The following VOPP1 variants were observed in gnomAD, a reference collection of about 807,000 sequenced individuals.
VOPP1 encodes WW domain binding protein VOPP1.
VOPP1 carries 8 observed loss-of-function variants against 23.5 expected under a neutral mutation model. The ratio of observed to expected loss-of-function variants is 0.34; its 90% confidence interval spans 0.20 to 0.61. VOPP1 has a LOEUF of 0.61. Ranked by LOEUF, VOPP1 falls within the 20% of genes least tolerant of loss-of-function variation. The probability of loss-of-function intolerance (pLI) is 0.78; values close to 1 mark genes in which losing one functional copy is unlikely to be tolerated. For synonymous variants in VOPP1, 83 were observed against 97.3 expected, an observed-to-expected ratio of 0.85 and a Z score of 0.86; for missense variants, 174 against 238.1, an observed-to-expected ratio of 0.73 and a Z score of 1.77.
At chr7:55,443,318 G>T (rs992369964) in intron 4 of VOPP1, among the ~76,000 whole-genome samples, 1 of 152,094 alleles carries the variant, frequency 6.6e-6, no homozygotes, top group Admixed American at 6.5e-5. Context: ...ACTTTGGGAG[G>T]CTGATGCGGG....
chr7:55,501,643 C>T (rs1021025901), intron 2 of VOPP1, among the ~76,000 whole-genome samples: 5 of 152,338 alleles, frequency 3.3e-5, no homozygotes, highest in East Asian at 1.9e-4. Context: ...CTCAAGTGAT[C>T]AAATTCTAGA....
At chr7:55,453,841 C>T (rs1483178825) in intron 4 of VOPP1, among the ~76,000 whole-genome samples, 1 of 152,142 alleles carries the variant, frequency 6.6e-6, no homozygotes, top group East Asian at 1.9e-4. Context: ...TCAATACCTA[C>T]AAAGAGCAAT....
At chr7:55,481,728 G>A (rs1792726838) in intron 4 of VOPP1, among the ~76,000 whole-genome samples, 1 of 152,198 alleles carries the variant, frequency 6.6e-6, no homozygotes, top group Admixed American at 6.5e-5. Context: ...GCCCCTCAGT[G>A]AGTGCTGACT....
chr7:55,553,756 T>TACACACACACACAC (rs59300549), intron 1 of VOPP1: 1 of 138,508 alleles, frequency 7.2e-6, no homozygotes, highest in African/African-American at 2.8e-5. Flanking sequence ...CCCTGCACTC[T>TACACACACACACAC]ACACACACAC....
In VOPP1 at chr7:55,566,201, C is replaced by T. The variant is rs139085486; in HGVS notation, c.54+6070G>A. ...GGTGGGGGTGGTGGGAGTTTCCAGA[C>T]CAGCGCAACTAATTCTGGGGAAAAA... On this transcript the variant is annotated intron_variant, in intron 1 of 4. Transcript: ENST00000285279. Among the ~76,000 whole-genome samples, 476 of 152,236 alleles carry T rather than the reference C, an allele frequency of 3.1e-3. 2 individuals carry two copies. The highest frequency in any genetic ancestry group is 0.02 in the Middle Eastern group (6 of 294).
intron 4 of VOPP1, among the ~76,000 whole-genome samples, chr7:55,479,162 T>A (rs1057027720): frequency 6.6e-4 from 101 of 152,218 alleles, no homozygotes; most frequent in South Asian, 1.2e-3. Context: ...TTTTTTTTTT[T>A]TTATTATTAT....
chr7:55,551,601 C>T (rs1361455098), intron 1 of VOPP1, among the ~76,000 whole-genome samples: 1 of 152,058 alleles, frequency 6.6e-6, no homozygotes, highest in South Asian at 2.1e-4. Flanking sequence ...TCCCCCTTCC[C>T]TTAGGAAAAA....
At position 55,528,512 on chromosome 7, in the gene VOPP1, C is replaced by T. The variant is rs576449309; in HGVS notation, c.55-7382G>A. ...CCAGCCTGGTCAACATGGTAAAACC[C>T]CATCTGTACTAAAAATACAAAAATT... On this transcript the variant is annotated intron_variant, in intron 1 of 4. Coordinates refer to ENST00000285279, the MANE Select transcript of VOPP1 (RefSeq NM_030796.5). Among the ~76,000 whole-genome samples, 9 of 152,052 alleles carry T rather than the reference C, an allele frequency of 5.9e-5. No homozygotes were observed. The South Asian group carries it at 1.9e-3, about 32-fold the overall frequency.
chr7:55,473,589 C>A (rs1012756331), intron 4 of VOPP1, among the ~76,000 whole-genome samples: 5 of 152,298 alleles, frequency 3.3e-5, no homozygotes, highest in Admixed American at 3.3e-4. Context: ...CGCAGGCTGA[C>A]TCCCTAGTGA....
At chr7:55,483,842 C>A (rs111271099) in intron 4 of VOPP1, among the ~76,000 whole-genome samples, 1 of 152,194 alleles carries the variant, frequency 6.6e-6, no homozygotes, top group African/African-American at 2.4e-5. Context: ...TTGCAACCTC[C>A]GCCTCCTGGG....
downstream of VOPP1, among the ~76,000 whole-genome samples, chr7:55,466,446 T>C (rs1350830161): frequency 6.6e-6 from 1 of 152,058 alleles, no homozygotes; most frequent in Admixed American, 6.5e-5. Flanking sequence ...GCATTTTAAA[T>C]AGCACGCAGA....
chr7:55,534,828 G>A (rs544447198), intron 1 of VOPP1, among the ~76,000 whole-genome samples: 2 of 152,270 alleles, frequency 1.3e-5, no homozygotes, highest in Non-Finnish European at 2.9e-5. Flanking sequence ...AAGTACCACC[G>A]CCCACTAGCT....
At chr7:55,483,502 C>T (rs1413210776) in intron 4 of VOPP1, among the ~76,000 whole-genome samples, 1 of 152,150 alleles carries the variant, frequency 6.6e-6, no homozygotes, top group Admixed American at 6.5e-5. Context: ...CATCCCTGCT[C>T]TGTCCTCACC....
intron 2 of VOPP1, among the ~76,000 whole-genome samples, chr7:55,511,564 T>C (rs921610460): frequency 3.3e-5 from 5 of 152,190 alleles, no homozygotes; most frequent in Non-Finnish European, 1.5e-5. Flanking sequence ...AAATTCAAGC[T>C]GAAACTCCTC....
chr7:55,566,992 T>TC (rs1215394519), intron 1 of VOPP1, among the ~76,000 whole-genome samples: 11 of 152,178 alleles, frequency 7.2e-5, no homozygotes, highest in African/African-American at 2.7e-4. Flanking sequence ...TACTGTCATT[T>TC]CCCCTCAATA....
chr7:55,510,360 A>C (rs780312043), intron 2 of VOPP1, among the ~76,000 whole-genome samples: 7 of 152,178 alleles, frequency 4.6e-5, no homozygotes, highest in Non-Finnish European at 8.8e-5. Context: ...CTAAATCACA[A>C]GAGGTTTGGG....
intron 1 of VOPP1, chr7:55,552,607 G>T (rs1797655340): frequency 1.3e-6 from 2 of 1,535,742 alleles, no homozygotes; most frequent in African/African-American, 2.7e-5. Context: ...TCAAAAGAAA[G>T]TGCTGGAACC....
chr7:55,521,113 CT>C lies in VOPP1; in HGVS notation c.71del (p.Lys24SerfsTer44). 2 of 1,582,160 alleles carry C rather than the reference CT, an allele frequency of 1.3e-6. No individual in the cohort carries two copies. Among genetic ancestry groups the C allele is most frequent in the Admixed American group, 1.8e-5 (1 of 55,192 alleles). ...GLLLECTEAK[K>X]HCWYFEGLYP... ...AGAGTCCTTCGAAATACCAGCAATGCTTTTTGGCTTCTGTGCACTGCAAATA... is the reference window on the plus strand; with the variant it reads ...AGAGTCCTTCGAAATACCAGCAATGCTTTTGGCTTCTGTGCACTGCAAATA... On this transcript the variant is annotated frameshift_variant, in exon 2 of 5. Coordinates refer to ENST00000285279, the MANE Select transcript of VOPP1 (RefSeq NM_030796.5). LOFTEE classifies it high-confidence loss of function.
chr7:55,561,950 A>C (rs1353793772), intron 1 of VOPP1: 2 of 703,334 alleles, frequency 2.8e-6, no homozygotes, highest in South Asian at 1.5e-5. Flanking sequence ...GGAAAACAGG[A>C]AGTGAAAGTA....
Sources: allele counts gnomAD v4.1 joint callset (sites outside exome capture counted in the v4.1 genomes callset), GRCh38; gene constraint gnomAD v4.1.1; transcripts MANE v1.5; gene names NCBI Gene and HGNC (gene_info 2026-07-23, HGNC 2026-07-21).